CA6: variants seen among roughly 807,000 people sequenced by gnomAD.
CA6 encodes carbonate dehydratase VI.
CA6 carries 28 observed loss-of-function variants against 35.9 expected under a neutral mutation model. The observed-to-expected ratio is 0.78, with a 90% CI of 0.58 to 1.07. The LOEUF (loss-of-function observed/expected upper bound fraction) is 1.07, where lower values mean the gene tolerates loss of function less well. CA6 is among the 50% of genes least tolerant of loss of function. The probability of loss-of-function intolerance (pLI) is 0.00; values close to 1 mark genes in which losing one functional copy is unlikely to be tolerated. For missense variants in CA6, 377 were observed against 382.0 expected (o/e 0.99, Z 0.11); for synonymous variants, 148 against 152.6 (o/e 0.97, Z 0.22).
At chr1:8,959,817 A>T (rs764355605) in intron 4 of CA6, among the ~76,000 whole-genome samples, 6 of 150,996 alleles carry the variant, frequency 4.0e-5, no homozygotes, top group Non-Finnish European at 8.8e-5. Flanking sequence ...CTGTAATTCC[A>T]GCTACTTGGG....
intron 2 of CA6, 78 bp downstream of exon 2, chr1:8,949,520 G>A: frequency 1.6e-6 from 2 of 1,259,712 alleles, no homozygotes; most frequent in Non-Finnish European, 2.3e-6. Context: ...GTCCCTGCCA[G>A]GAATGGCTTG....
chr1:8,970,290 T>G lies in CA6; in HGVS notation c.730-577T>G, dbSNP rs1235100811. Among the ~76,000 whole-genome samples the G allele has an allele frequency of 5.4e-5, 8 of 148,008 alleles. No homozygotes were observed. In the South Asian group the frequency reaches 1.3e-3, roughly 23 times the overall value. On this transcript the variant is annotated intron_variant, in intron 6 of 7. Transcript: ENST00000377443. ...GTTTGCCACTTGATATATTTCTGCT[T>G]CTTCTTTCTCTCCTTTCTACTACTG...
intron 1 of CA6, 39 bp downstream of exon 1, chr1:8,946,004 C>T: frequency 7.8e-7 from 1 of 1,284,850 alleles, no homozygotes; most frequent in Non-Finnish European, 1.1e-6. Context: ...CAGTTACCCT[C>T]ACACCCTTAC....
intron 5 of CA6, among the ~76,000 whole-genome samples, chr1:8,966,988 A>AT (rs1639984724): frequency 6.6e-6 from 1 of 151,428 alleles, no homozygotes; most frequent in African/African-American, 2.4e-5. Context: ...AAAAATAATA[A>AT]AAAAAACAAC....
intron 7 of CA6, among the ~76,000 whole-genome samples, chr1:8,971,473 G>A (rs968428442): frequency 2.6e-5 from 4 of 151,630 alleles, no homozygotes; most frequent in Admixed American, 6.6e-5. Context: ...CACCACGCCC[G>A]GCTAATTTTT....
At chr1:8,954,249 T>A (rs1639616253) in intron 2 of CA6, among the ~76,000 whole-genome samples, 1 of 148,518 alleles carries the variant, frequency 6.7e-6, no homozygotes, top group Non-Finnish European at 1.5e-5. Context: ...CCCTGCAACC[T>A]CTGCCTCCTG....
chr1:8,965,389 A>G (rs1639943769), intron 5 of CA6, among the ~76,000 whole-genome samples: 1 of 152,056 alleles, frequency 6.6e-6, no homozygotes, highest in Non-Finnish European at 1.5e-5. Flanking sequence ...GAAACTCTGT[A>G]CCCATTCAAC....
chr1:8,965,652 C>T (rs113723462), intron 5 of CA6, among the ~76,000 whole-genome samples: 6 of 152,156 alleles, frequency 3.9e-5, no homozygotes, highest in African/African-American at 1.4e-4. Context: ...CTTTGGGAGG[C>T]CAAGGCTGGC....
intron 2 of CA6, among the ~76,000 whole-genome samples, chr1:8,950,035 A>G (rs1306401752): frequency 6.6e-6 from 1 of 152,118 alleles, no homozygotes; most frequent in African/African-American, 2.4e-5. Context: ...GCTGGAGTGC[A>G]GTGGCAGGAT....
rs1022235464 is a variant in CA6 at position 8,970,191 on chromosome 1, C to A, written c.730-676C>A. Among the ~76,000 whole-genome samples, 5 of 121,174 alleles carry A rather than the reference C, an allele frequency of 4.1e-5. No individual in the cohort carries two copies. In the East Asian group the frequency reaches 7.2e-4, roughly 18 times the overall value. 79.5% of individuals were successfully genotyped at this position (121,174 alleles called of 152,430 possible). On this transcript the variant is annotated intron_variant, in intron 6 of 7. Coordinates refer to ENST00000377443, the MANE Select transcript of CA6 (RefSeq NM_001215.4). ...ACTGCACTCCAGCCTGGCGACAGAGCGAGACTCTGGTCTCAAAAAAAAAAA... is the reference window on the plus strand; with the variant it reads ...ACTGCACTCCAGCCTGGCGACAGAGAGAGACTCTGGTCTCAAAAAAAAAAA...
chr1:8,962,555 A>G, intron 4 of CA6, 32 bp from the exon 5 acceptor site: 1 of 1,579,998 alleles, frequency 6.3e-7, no homozygotes, highest in Non-Finnish European at 8.7e-7. Flanking sequence ...CCTCTTCTTC[A>G]CTTACGCTCA....
At chr1:8,973,733 T>C (rs913338331) in intron 7 of CA6, among the ~76,000 whole-genome samples, 1 of 18,942 alleles carries the variant, frequency 5.3e-5, no homozygotes, top group African/African-American at 3.9e-4. Flanking sequence ...TCTTTCTTTC[T>C]TTCTTTCTTT....
At chr1:8,974,275 A>T in intron 7 of CA6, 1 of 1,030,644 alleles carries the variant, frequency 9.7e-7, no homozygotes, top group Non-Finnish European at 1.4e-6. Context: ...AAGGTCAGTT[A>T]CAAAAACAAG....
Position 8,974,654 on chromosome 1 carries a change from C to T in CA6, c.877C>T (p.Leu293=), listed in dbSNP as rs1047574540. Residue 293 remains leucine, a synonymous_variant, in exon 8 of 8, where the codon CTA becomes TTA. Coordinates refer to ENST00000377443, the MANE Select transcript of CA6 (RefSeq NM_001215.4). The stretch of plus-strand genomic sequence containing the variant: ...TCTAGGCTCTGAATTCCAGTTTTAC[C>T]TACATAAGATTGAGGAAATTCTTGA... ...YTLGSEFQFY[L]HKIEEILDYL... is the part of the protein sequence containing the mutation. 3 of 1,606,266 alleles carry T rather than the reference C, an allele frequency of 1.9e-6. No individual in the cohort carries two copies. Among genetic ancestry groups the T allele is most frequent in the African/African-American group, 2.7e-5 (2 of 74,598 alleles).
At chr1:8,955,425 C>T (rs1005486303) in intron 2 of CA6, among the ~76,000 whole-genome samples, 2 of 152,140 alleles carry the variant, frequency 1.3e-5, no homozygotes, top group South Asian at 4.1e-4. Context: ...GGTTGTGGCT[C>T]TTTTCCAATT....
intron 2 of CA6, 36 bp from the exon 3 acceptor site, chr1:8,957,101 A>C (rs746923399): frequency 6.4e-7 from 1 of 1,554,568 alleles, no homozygotes; most frequent in East Asian, 2.3e-5. Context: ...CTCTGTGTTC[A>C]CCTACTCTGC....
intron 7 of CA6, among the ~76,000 whole-genome samples, chr1:8,972,928 T>A (rs146889080): frequency 5.1e-4 from 78 of 152,208 alleles, no homozygotes; most frequent in African/African-American, 1.7e-3. Flanking sequence ...TATACAACAT[T>A]AACAGCAAGA....
chr1:8,964,614 C>T (rs1639924992), intron 5 of CA6, among the ~76,000 whole-genome samples: 4 of 152,130 alleles, frequency 2.6e-5, no homozygotes, highest in Non-Finnish European at 5.9e-5. Flanking sequence ...TAATTCCTCC[C>T]ACCTCCAAAC....
At chr1:8,947,936 C>G (rs1474955860) in intron 1 of CA6, among the ~76,000 whole-genome samples, 2 of 151,782 alleles carry the variant, frequency 1.3e-5, no homozygotes, top group East Asian at 3.9e-4. Context: ...CCTCTGCCTC[C>G]TGGGTTCAAG....
Sources: allele counts gnomAD v4.1 joint callset (sites outside exome capture counted in the v4.1 genomes callset), GRCh38; gene constraint gnomAD v4.1.1; transcripts MANE v1.5; gene names NCBI Gene and HGNC (gene_info 2026-07-23, HGNC 2026-07-21).